CST6: variants seen among roughly 807,000 people sequenced by gnomAD.
CST6 encodes cystatin E/M.
CST6 carries 8 observed loss-of-function variants against 10.7 expected under a neutral mutation model. The ratio of observed to expected loss-of-function variants is 0.75; its 90% CI spans 0.44 to 1.34. The LOEUF (loss-of-function observed/expected upper bound fraction) is 1.34. Ranked by LOEUF, CST6 falls within the 40% of genes most tolerant of loss-of-function variation. The pLI, the probability that CST6 is intolerant of heterozygous loss-of-function variation, is 0.01. For synonymous variants in CST6, 100 were observed against 89.3 expected, an observed-to-expected ratio of 1.12 and a Z score of -0.68; for missense variants, 206 against 205.1, an observed-to-expected ratio of 1.00 and a Z score of -0.03.
chr11:66,012,880 C>CGCAA lies in CST6; in HGVS notation c.297_300dup (p.Thr101GlnfsTer28). On this transcript the variant is annotated frameshift_variant, in exon 2 of 3. Coordinates refer to ENST00000312134, the MANE Select transcript of CST6 (RefSeq NM_001323.4). LOFTEE classifies it high-confidence loss of function. ...GATGGAGATGGGGAGCACAGACTGC[C>CGCAA]GCAAGACCAGGGTCACTGGAGACCA... 6.2e-7 allele frequency: 1 copy of CGCAA among 1,613,430 alleles called. No individual in the cohort carries two copies. The highest frequency in any genetic ancestry group is 8.5e-7 in the Non-Finnish European group (1 of 1,179,626).
chr11:66,012,038 G>C lies in CST6; in HGVS notation c.-7G>C. 6.5e-7 allele frequency: 1 copy of C among 1,539,330 alleles called. No homozygotes were observed. Among genetic ancestry groups the C allele is most frequent in the African/African-American group, 1.4e-5 (1 of 72,450 alleles). On this transcript the variant is annotated 5_prime_UTR_variant, in exon 1 of 3. Transcript: ENST00000312134. ...CGGCTCTGAGGGCTCCGACGGCACT[G>C]ACGGCCATGGCGCGTTCGAACCTCC...
chr11:66,012,714 T>A, intron 1 of CST6, 112 bp from the exon 2 acceptor site: 1 of 291,408 alleles, frequency 3.4e-6, no homozygotes, highest in South Asian at 5.0e-5. Flanking sequence ...AATCATCCCC[T>A]CTCCCTCTCT....
Position 66,012,294 on chromosome 11 carries a change from G to A in CST6, c.240+10G>A. On this transcript the variant is annotated intron_variant, in intron 1 of 2. Coordinates refer to ENST00000312134, the MANE Select transcript of CST6 (RefSeq NM_001323.4). ...CAAGGCGCAGAGCCAGGTGCGGCGG[G>A]CGGGGTGCTGGGAGGGGACACCCGG... The A allele has an allele frequency of 1.3e-6, 2 of 1,585,528 alleles. No homozygotes were observed. Among genetic ancestry groups the A allele is most frequent in the Non-Finnish European group, 1.7e-6 (2 of 1,162,142 alleles).
In CST6 at chr11:66,012,149, CG is replaced by C; in HGVS notation, c.107del (p.Gly36GlufsTer54). 1 of 1,554,850 alleles carries C rather than the reference CG, an allele frequency of 6.4e-7. No individual in the cohort carries two copies. The highest frequency in any genetic ancestry group is 8.7e-7 in the Non-Finnish European group (1 of 1,153,816). ...GGGCCCGGCCGCAGGAGCGCATGGT[CG>C]GAGAACTCCGGGACCTGTCGCCCGA... Reference protein sequence around the residue: ...ARARPQERMVGELRDLSPDDP... With the variant: ...ARARPQERMVXELRDLSPDDP... On this transcript the variant is annotated frameshift_variant, in exon 1 of 3. Coordinates refer to ENST00000312134, the MANE Select transcript of CST6 (RefSeq NM_001323.4). LOFTEE classifies it high-confidence loss of function.
intron 2 of CST6, 38 bp from the exon 3 acceptor site, chr11:66,013,279 G>T: frequency 1.3e-6 from 2 of 1,577,088 alleles, no homozygotes; most frequent in Non-Finnish European, 1.7e-6. Context: ...GGTCGAGGCT[G>T]GGCTCACCCC....
rs775334459 is a variant in CST6 at position 66,012,855 on chromosome 11, G to A, written c.270G>A (p.Thr90=). The A allele has an allele frequency of 4.3e-6, 7 of 1,609,770 alleles. No individual in the cohort carries two copies. Among genetic ancestry groups the A allele is most frequent in the African/African-American group, 1.3e-5 (1 of 74,798 alleles). The change falls in exon 2 of 3, where the codon ACG becomes ACA. Residue 90 remains threonine (T), a synonymous_variant. Transcript: ENST00000312134. ...TGGCCGGCATCAAGTACTTCCTGAC[G>A]ATGGAGATGGGGAGCACAGACTGCC... ...QLVAGIKYFL[T]MEMGSTDCRK...
rs1271086239 is a variant in CST6, at chr11:66,012,232, G to C, written c.188G>C (p.Ser63Thr). ...GCCGTGGCCAGCTACAACATGGGCA[G>C]CAACAGCATCTACTACTTCCGAGAC... ...QAAVASYNMG[S>T]NSIYYFRDTH... Residue 63 changes from serine to threonine, a missense_variant, in exon 1 of 3, where the codon AGC becomes ACC. Coordinates refer to ENST00000312134, the MANE Select transcript of CST6 (RefSeq NM_001323.4). The C allele has an allele frequency of 1.2e-6, 2 of 1,605,350 alleles. No individual in the cohort carries two copies. The highest frequency in any genetic ancestry group is 2.2e-5 in the East Asian group (1 of 44,632).
At chr11:66,012,674 A>ACACC (rs1856180919) in intron 1 of CST6, 152 bp from the exon 2 acceptor site, 27 of 41,426 alleles carry the variant, frequency 6.5e-4, no homozygotes, top group Non-Finnish European at 1.1e-3. Flanking sequence ...TCCCCCCCCC[A>ACACC]CCCCCCCCCA....
intron 1 of CST6, 72 bp from the exon 2 acceptor site, chr11:66,012,754 G>T: frequency 2.0e-6 from 3 of 1,473,810 alleles, no homozygotes; most frequent in South Asian, 1.3e-5. Context: ...GGCAACAGGA[G>T]AATATATCAA....
At chr11:66,012,317 C>T (rs1413043004) in intron 1 of CST6, 33 bp downstream of exon 1, 4 of 1,555,710 alleles carry the variant, frequency 2.6e-6, no homozygotes, top group South Asian at 2.3e-5. Context: ...AGGGGACACC[C>T]GGCCCAGATG....
rs545110891 is a variant in CST6 at position 66,012,550 on chromosome 11, G to A, written c.240+266G>A. ...CCTGATGGGGTGGATCGGGGAGGAGGGAAGGCAGGTGGGGACAGTGGGCAG... is the reference window on the plus strand; with the variant it reads ...CCTGATGGGGTGGATCGGGGAGGAGAGAAGGCAGGTGGGGACAGTGGGCAG... On this transcript the variant is annotated intron_variant, in intron 1 of 2. Coordinates refer to ENST00000312134, the MANE Select transcript of CST6 (RefSeq NM_001323.4). 7.9e-5 allele frequency among the ~76,000 whole-genome samples: 12 copies of A among 152,136 alleles called. No homozygotes were observed. The South Asian group carries it at 2.5e-3, about 32-fold the overall frequency.
chr11:66,012,661 A>AC (rs1856179702), intron 1 of CST6, among the ~76,000 whole-genome samples, 165 bp from the exon 2 acceptor site: 1 of 41,344 alleles, frequency 2.4e-5, no homozygotes, highest in Non-Finnish European at 4.7e-5. Context: ...TCCCCACCAG[A>AC]ACTCCCCCCC....
At chr11:66,012,657 C>A (rs1374992252) in intron 1 of CST6, among the ~76,000 whole-genome samples, 169 bp from the exon 2 acceptor site, 1 of 96,380 alleles carries the variant, frequency 1.0e-5, no homozygotes, top group Non-Finnish European at 2.1e-5. Flanking sequence ...TCCATCCCCA[C>A]CAGAACTCCC....
intron 1 of CST6, 27 bp from the exon 2 acceptor site, chr11:66,012,798 CT>C: frequency 6.3e-7 from 1 of 1,581,598 alleles, no homozygotes; most frequent in Non-Finnish European, 8.6e-7. Context: ...GTCAAGACCC[CT>C]GACCTGCCCC....
intron 1 of CST6, 75 bp downstream of exon 1, chr11:66,012,359 T>C: frequency 6.8e-7 from 1 of 1,472,248 alleles, no homozygotes; most frequent in Admixed American, 2.5e-5. Context: ...CCAGCGTGCA[T>C]GAAGGGGGCC....
intron 2 of CST6, 97 bp downstream of exon 2, chr11:66,013,048 G>A (rs1314334320): frequency 6.7e-7 from 1 of 1,483,376 alleles, no homozygotes; most frequent in Non-Finnish European, 9.2e-7. Context: ...TAGATGTCTA[G>A]ATGTCTGGCT....
intron 1 of CST6, 142 bp from the exon 2 acceptor site, chr11:66,012,676 CCCCCCCCA>C (rs1856181319): frequency 1.5e-4 from 7 of 45,648 alleles, no homozygotes; most frequent in South Asian, 7.1e-4. Flanking sequence ...CCCCCCCCAC[CCCCCCCCA>C]CCCCCCCCCA....
At chr11:66,012,321 C>T (rs775139281) in intron 1 of CST6, 37 bp downstream of exon 1, 4 of 1,551,476 alleles carry the variant, frequency 2.6e-6, no homozygotes, top group Non-Finnish European at 3.5e-6. Flanking sequence ...GACACCCGGC[C>T]CAGATGGGGG....
intron 1 of CST6, among the ~76,000 whole-genome samples, 156 bp from the exon 2 acceptor site, chr11:66,012,670 C>CCCA (rs1856180591): frequency 7.4e-5 from 1 of 13,536 alleles, no homozygotes. Flanking sequence ...GAACTCCCCC[C>CCCA]CCCACCCCCC....
Sources: allele counts gnomAD v4.1 joint callset (sites outside exome capture counted in the v4.1 genomes callset), GRCh38; gene constraint gnomAD v4.1.1; transcripts MANE v1.5; gene names NCBI Gene and HGNC (gene_info 2026-07-23, HGNC 2026-07-21).